Variants in VIT observed in about 807,000 individuals in gnomAD.
The protein encoded by VIT is vitrin.
Under a neutral mutation model 78.0 loss-of-function variants are expected in VIT, and 99 were observed. The ratio of observed to expected loss-of-function variants is 1.27; its 90% CI spans 1.08 to 1.50. The LOEUF is 1.50. Ranked by LOEUF, VIT falls within the 40% of genes most tolerant of loss-of-function variation. VIT has a pLI of 0.00. For missense variants in VIT, 1,126 were observed against 875.3 expected, an observed-to-expected ratio of 1.29 and a Z score of -3.61; for synonymous variants, 374 against 334.3, an observed-to-expected ratio of 1.12 and a Z score of -1.29.
chr2:36,747,835 C>T lies in VIT; in HGVS notation c.275+4579C>T, dbSNP rs940357413. On this transcript the variant is annotated intron_variant, in intron 4 of 15. Coordinates refer to ENST00000379242, the MANE Select transcript of VIT (RefSeq NM_053276.4). Reference sequence around the variant, plus strand: ...TTTTGTAGACTTGGTTGTGTAGTTGCTTTATAGGGTCTCTGGGCTATGAAC... The same window carrying T: ...TTTTGTAGACTTGGTTGTGTAGTTGTTTTATAGGGTCTCTGGGCTATGAAC... Among the ~76,000 whole-genome samples, 3 of 152,246 alleles carry T rather than the reference C, an allele frequency of 2.0e-5. No homozygotes were observed. In the East Asian group the frequency reaches 5.8e-4, roughly 29 times the overall value.
intron 11 of VIT, among the ~76,000 whole-genome samples, chr2:36,785,305 G>A (rs1242435427): frequency 1.3e-5 from 2 of 152,166 alleles, no homozygotes; most frequent in African/African-American, 2.4e-5. Flanking sequence ...TTTGGGTGGA[G>A]CCTGAGAGTC....
chr2:36,767,480 G>A (rs749064766), intron 7 of VIT, among the ~76,000 whole-genome samples, 195 bp downstream of exon 7: 5 of 152,164 alleles, frequency 3.3e-5, no homozygotes, highest in African/African-American at 9.7e-5. Flanking sequence ...TGCTGTCACC[G>A]TACTTCTGAA....
At chr2:36,710,823 C>T (rs574820408) in intron 1 of VIT, among the ~76,000 whole-genome samples, 8 of 152,250 alleles carry the variant, frequency 5.3e-5, no homozygotes, top group Admixed American at 2.6e-4. Context: ...GATTTTGCAT[C>T]GTTCCCAGTT....
intron 12 of VIT, among the ~76,000 whole-genome samples, chr2:36,789,556 G>A (rs1173140505): frequency 6.6e-6 from 1 of 152,172 alleles, no homozygotes; most frequent in Non-Finnish European, 1.5e-5. Flanking sequence ...TGATGAGGCT[G>A]AGGGGGAGAC....
At position 36,743,205 on chromosome 2, in the gene VIT, G is replaced by A; in HGVS notation, c.224G>A (p.Gly75Asp). 3 of 1,614,060 alleles carry A rather than the reference G, an allele frequency of 1.9e-6. No homozygotes were observed. The highest frequency in any genetic ancestry group is 2.5e-6 in the Non-Finnish European group (3 of 1,179,960). Reference protein sequence around the residue: ...GCQDPKYHVYGTDVYASYSSV... With the variant: ...GCQDPKYHVYDTDVYASYSSV... ...CAAGACCCCAAATACCATGTTTATG[G>A]CACTGACGTGTATGCATCCTACTCC... The change falls in exon 4 of 16, where the codon GGC (glycine) becomes GAC (aspartate). Residue 75 changes from glycine (G) to aspartate (D), a missense_variant. Gly to Asp is a moderately conservative substitution (Grantham distance 94). Transcript: ENST00000379242.
At chr2:36,801,696 T>C (rs1442892218) in intron 13 of VIT, among the ~76,000 whole-genome samples, 1 of 150,052 alleles carries the variant, frequency 6.7e-6, no homozygotes, top group East Asian at 2.0e-4. Context: ...TAATCCCAGC[T>C]ACTTGGGAGG....
chr2:36,729,135 G>A (rs1322916104), intron 2 of VIT, among the ~76,000 whole-genome samples: 1 of 152,142 alleles, frequency 6.6e-6, no homozygotes, highest in Non-Finnish European at 1.5e-5. Flanking sequence ...GTAACATGCT[G>A]TACAGGTTTT....
At chr2:36,742,528 T>A (rs1443071333) in intron 3 of VIT, among the ~76,000 whole-genome samples, 1 of 152,100 alleles carries the variant, frequency 6.6e-6, no homozygotes, top group Non-Finnish European at 1.5e-5. Flanking sequence ...TGTCCAGAAG[T>A]CTTTCATTGC....
chr2:36,806,962 C>T (rs1000585680), intron 14 of VIT, among the ~76,000 whole-genome samples: 1 of 152,128 alleles, frequency 6.6e-6, no homozygotes, highest in African/African-American at 2.4e-5. Context: ...CTATAACAAG[C>T]CAAGTTCATC....
intron 9 of VIT, among the ~76,000 whole-genome samples, chr2:36,778,157 T>C (rs1670183184): frequency 2.6e-5 from 4 of 152,266 alleles, no homozygotes; most frequent in Admixed American, 2.0e-4. Context: ...TGTCAGATAC[T>C]GTCCTGTGCA....
chr2:36,811,695 G>A (rs1012435598), intron 15 of VIT, among the ~76,000 whole-genome samples: 4 of 148,188 alleles, frequency 2.7e-5, no homozygotes, highest in South Asian at 2.1e-4. Flanking sequence ...CTTTTGAGAC[G>A]GAGTTTCGCT....
intron 1 of VIT, among the ~76,000 whole-genome samples, chr2:36,709,387 G>T (rs77581771): frequency 6.6e-6 from 1 of 152,062 alleles, no homozygotes. Context: ...TACCTCATCG[G>T]GTTGTTGTGA....
intron 14 of VIT, among the ~76,000 whole-genome samples, chr2:36,807,796 A>G (rs529365869): frequency 1.3e-5 from 2 of 152,326 alleles, no homozygotes; most frequent in African/African-American, 4.8e-5. Flanking sequence ...GCCTGGAGGC[A>G]GAGTTGTCTG....
At chr2:36,700,023 T>C (rs930129829) in intron 1 of VIT, among the ~76,000 whole-genome samples, 1 of 152,196 alleles carries the variant, frequency 6.6e-6, no homozygotes, top group African/African-American at 2.4e-5. Flanking sequence ...TAGTTAATTT[T>C]TTTTAATTAT....
rs371136837 is a variant in VIT at position 36,746,168 on chromosome 2, G to A, written c.275+2912G>A. 8.3e-4 allele frequency among the ~76,000 whole-genome samples: 127 copies of A among 152,246 alleles called. 1 individual carries two copies. The East Asian group carries it at 0.013, about 15-fold the overall frequency. On this transcript the variant is annotated intron_variant, in intron 4 of 15. Coordinates refer to ENST00000379242, the MANE Select transcript of VIT (RefSeq NM_053276.4). ...CCAGGAATAAAGCCTACTTGATTGC[G>A]GTGAATTAGCTTTTTGATGTGCTGC... is the stretch of plus-strand genomic sequence containing the variant.
rs1056182623 is a variant in VIT at position 36,801,335 on chromosome 2, C to T, written c.1093C>T (p.His365Tyr). 3.1e-6 allele frequency: 5 copies of T among 1,614,170 alleles called. No individual in the cohort carries two copies. Among genetic ancestry groups the T allele is most frequent in the African/African-American group, 1.3e-5 (1 of 75,042 alleles). The change falls in exon 13 of 16, where the codon CAC becomes TAC. Residue 365 changes from histidine (H) to tyrosine (Y), a missense_variant. Transcript: ENST00000379242. ...TGCTACTCACTTTAACCTCAAGACA[C>T]ACACGAATTCTCGAGATCTGAAGAC... is the stretch of plus-strand genomic sequence containing the variant. ...NPATHFNLKT[H>Y]TNSRDLKTAI...
intron 9 of VIT, among the ~76,000 whole-genome samples, chr2:36,776,658 G>T (rs565656080): frequency 6.6e-6 from 1 of 151,972 alleles, no homozygotes; most frequent in Non-Finnish European, 1.5e-5. Flanking sequence ...ACAATGAGCC[G>T]GTGGTGCGTG....
chr2:36,814,644 A>T lies in VIT; in HGVS notation c.*283A>T, dbSNP rs1667436226. ...TTTTCAAAATAAATGTTCGGAATAC[A>T]GTGCAGCCCTTACGACAGGCTTACG... On this transcript the variant is annotated 3_prime_UTR_variant, in exon 16 of 16. Coordinates refer to ENST00000379242, the MANE Select transcript of VIT (RefSeq NM_053276.4). 1 of 358,734 alleles carries T rather than the reference A, an allele frequency of 2.8e-6. No individual in the cohort carries two copies. 22.2% of individuals were successfully genotyped at this position (358,734 alleles called of 1,614,324 possible).
chr2:36,807,199 C>T (rs987037822), intron 14 of VIT, among the ~76,000 whole-genome samples: 1 of 152,198 alleles, frequency 6.6e-6, no homozygotes, highest in Non-Finnish European at 1.5e-5. Context: ...CACAATGAAG[C>T]CCAACTCACA....
Sources: gnomAD v4.1 joint callset for allele counts (sites outside exome capture counted in the v4.1 genomes callset) on GRCh38, gnomAD v4.1.1 for gene constraint, MANE v1.5 for transcripts, NCBI Gene and HGNC (gene_info 2026-07-23, HGNC 2026-07-21) for gene names.